Variants in OR6J1 observed in about 807,000 individuals in gnomAD.
The protein encoded by OR6J1 is olfactory receptor family 6 subfamily J member 1.
For synonymous variants in OR6J1, 109 were observed against 70.0 expected (o/e 1.56, Z -2.78); for missense variants, 304 against 166.8 (o/e 1.82, Z -4.53).
intron 1 of OR6J1, among the ~76,000 whole-genome samples, chr14:22,638,024 A>C: frequency 2.6e-5 from 2 of 76,828 alleles, no homozygotes; most frequent in South Asian, 4.4e-4. Context: ...GTCCGGGAGG[A>C]TGGTGGGGGG....
intron 1 of OR6J1, among the ~76,000 whole-genome samples, chr14:22,636,594 T>G (rs1471670551): frequency 4.9e-5 from 6 of 121,652 alleles, no homozygotes; most frequent in African/African-American, 2.6e-4. Context: ...TTTTTTTTTT[T>G]TGGTGGAGAC....
In OR6J1 at chr14:22,641,405, G is replaced by C. The variant is rs1423854772; in HGVS notation, c.-28+2693C>G. On this transcript the variant is annotated intron_variant, in intron 1 of 1. Coordinates refer to ENST00000540461, the MANE Select transcript of OR6J1 (RefSeq NM_001348233.2). ...AGAAAGAGAGAGAGAGAGAAAGGAA[G>C]GATGGAAGGAAGGAAGAGAAAGAAA... Among the ~76,000 whole-genome samples the C allele has an allele frequency of 7.6e-4, 35 of 46,318 alleles. 3 individuals are homozygous for C. The highest frequency in any genetic ancestry group is 1.1e-3 in the Non-Finnish European group (28 of 25,476). The allele number at this position is 46,318 out of a possible 152,430, so 30.4% of individuals were successfully genotyped here. A position where few individuals can be genotyped will look rare whatever the true frequency, so the allele number is the denominator to read the frequency against.
chr14:22,643,902 G>A (rs1594904848), intron 1 of OR6J1, among the ~76,000 whole-genome samples, 196 bp downstream of exon 1: 1 of 152,086 alleles, frequency 6.6e-6, no homozygotes, highest in South Asian at 2.1e-4. Context: ...ATGGTAGGAT[G>A]AGGGATCAAG....
chr14:22,636,640 T>G (rs2037588906), intron 1 of OR6J1, among the ~76,000 whole-genome samples: 1 of 113,994 alleles, frequency 8.8e-6, no homozygotes, highest in South Asian at 2.6e-4. Flanking sequence ...GGTCTCCAGC[T>G]CCTAGCCACG....
chr14:22,641,274 GAAGGAAGA>G lies in OR6J1; in HGVS notation c.-28+2816_-28+2823del, dbSNP rs1469163420. On this transcript the variant is annotated intron_variant, in intron 1 of 1. Coordinates refer to ENST00000540461, the MANE Select transcript of OR6J1 (RefSeq NM_001348233.2). Reference sequence around the variant, plus strand: ...GAAAGAAAGAAAGAAAGAAAGGAAGGAAGGAAGAAAGAGAAGAAAGAGAGACAGAGAGG... The same window carrying G: ...GAAAGAAAGAAAGAAAGAAAGGAAGGAAGAGAAGAAAGAGAGACAGAGAGG... Among the ~76,000 whole-genome samples, 2 of 86,768 alleles carry G rather than the reference GAAGGAAGA, an allele frequency of 2.3e-5. 1 individual carries two copies. Among genetic ancestry groups the G allele is most frequent in the Admixed American group, 2.3e-4 (2 of 8,838 alleles). 56.9% of individuals were successfully genotyped at this position (86,768 alleles called of 152,430 possible).
intron 1 of OR6J1, among the ~76,000 whole-genome samples, chr14:22,639,562 A>G (rs1475037549): frequency 7.7e-6 from 1 of 129,132 alleles, no homozygotes; most frequent in Non-Finnish European, 1.6e-5. Flanking sequence ...GGTGGGGAAA[A>G]GATTGAGAAA....
At position 22,633,738 on chromosome 14, in the gene OR6J1, C is replaced by A; in HGVS notation, c.*30G>T. 1.6e-6 allele frequency: 1 copy of A among 638,156 alleles called. No homozygotes were observed. Among genetic ancestry groups the A allele is most frequent in the South Asian group, 1.8e-5 (1 of 54,832 alleles). 39.5% of individuals were successfully genotyped at this position (638,156 alleles called of 1,614,324 possible). A position where few individuals can be genotyped will look rare whatever the true frequency, so the allele number is the denominator to read the frequency against. ...ACTATTCAGAATTCCTTAGCTAGCT[C>A]ACTCTTTCACTAAGGCAGCTCCTCT... On this transcript the variant is annotated 3_prime_UTR_variant, in exon 2 of 2. Transcript: ENST00000540461.
At chr14:22,637,584 T>G (rs1393574718) in intron 1 of OR6J1, among the ~76,000 whole-genome samples, 3 of 31,786 alleles carry the variant, frequency 9.4e-5, no homozygotes, top group Admixed American at 2.5e-4. Context: ...GGGAGGGAGG[T>G]GGGGGGGTCA....
chr14:22,631,324 C>T lies in OR6J1; in HGVS notation c.*2444G>A, dbSNP rs1341018810. The T allele has an allele frequency of 1.3e-5, 2 of 152,202 alleles. No homozygotes were observed. The highest frequency in any genetic ancestry group is 2.9e-5 in the Non-Finnish European group (2 of 68,036). 9.4% of individuals were successfully genotyped at this position (152,202 alleles called of 1,614,324 possible). A position where few individuals can be genotyped will look rare whatever the true frequency, so the allele number is the denominator to read the frequency against. On this transcript the variant is annotated 3_prime_UTR_variant, in exon 2 of 2. Coordinates refer to ENST00000540461, the MANE Select transcript of OR6J1 (RefSeq NM_001348233.2). ...GGGTCTATTTGACCCCTACAGTCTACAGACCATAAAAGACGGGCACGCCCA... is the reference window on the plus strand; with the variant it reads ...GGGTCTATTTGACCCCTACAGTCTATAGACCATAAAAGACGGGCACGCCCA...
At chr14:22,635,271 AAAT>A (rs1372820826) in intron 1 of OR6J1, among the ~76,000 whole-genome samples, 7 of 152,370 alleles carry the variant, frequency 4.6e-5, no homozygotes, top group African/African-American at 1.7e-4. Flanking sequence ...ATGGGAGATG[AAAT>A]AAACAAATTA....
At position 22,641,504 on chromosome 14, in the gene OR6J1, A is replaced by G. The variant is rs2037652262; in HGVS notation, c.-28+2594T>C. 3.6e-5 allele frequency among the ~76,000 whole-genome samples: 5 copies of G among 137,282 alleles called. No homozygotes were observed. In the South Asian group the frequency reaches 7.4e-4, roughly 20 times the overall value. The allele number at this position is 137,282 out of a possible 152,430, so 90.1% of individuals were successfully genotyped here. A position where few individuals can be genotyped will look rare whatever the true frequency, so the allele number is the denominator to read the frequency against. ...GGAAGGAAGGAAGGAGGGAGGGAGG[A>G]AAGAAAGGAGGGAGGGAAGAAAGAA... On this transcript the variant is annotated intron_variant, in intron 1 of 1. Coordinates refer to ENST00000540461, the MANE Select transcript of OR6J1 (RefSeq NM_001348233.2).
At chr14:22,640,313 G>A (rs796657515) in intron 1 of OR6J1, among the ~76,000 whole-genome samples, 2,707 of 69,030 alleles carry the variant, frequency 0.039, 154 homozygotes, top group African/African-American at 0.11. Context: ...GGAGGAGAGG[G>A]GAGGAGAGGA....
At chr14:22,638,841 C>A (rs1408741085) in intron 1 of OR6J1, among the ~76,000 whole-genome samples, 1 of 88,642 alleles carries the variant, frequency 1.1e-5, no homozygotes, top group Non-Finnish European at 2.4e-5. Context: ...AAGTGAGGAG[C>A]GTCTCCGCCC....
At chr14:22,642,794 T>C (rs536655054) in intron 1 of OR6J1, among the ~76,000 whole-genome samples, 1 of 152,138 alleles carries the variant, frequency 6.6e-6, no homozygotes, top group East Asian at 1.9e-4. Flanking sequence ...TAATATTTTC[T>C]TTATTTTTAT....
Position 22,633,362 on chromosome 14 carries a change from TGAA to T in OR6J1, c.*403_*405del, listed in dbSNP as rs758006669. On this transcript the variant is annotated 3_prime_UTR_variant, in exon 2 of 2. Coordinates refer to ENST00000540461, the MANE Select transcript of OR6J1 (RefSeq NM_001348233.2). ...GATATGATAGTGGATTAGAGAATAA[TGAA>T]GGTTATTTCTAAAAAGATCCTGCAG... The T allele has an allele frequency of 5.9e-6, 1 of 169,690 alleles. No homozygotes were observed. Among genetic ancestry groups the T allele is most frequent in the Non-Finnish European group, 1.3e-5 (1 of 78,938 alleles). 10.5% of individuals were successfully genotyped at this position (169,690 alleles called of 1,614,324 possible).
chr14:22,637,317 TC>T (rs1241398255), intron 1 of OR6J1, among the ~76,000 whole-genome samples: 2 of 55,926 alleles, frequency 3.6e-5, no homozygotes, highest in South Asian at 1.1e-3. Context: ...AGCTGCCCCA[TC>T]CGGGAGGTGA....
In OR6J1 at chr14:22,632,192, G is replaced by A. The variant is rs1253113500; in HGVS notation, c.*1576C>T. On this transcript the variant is annotated 3_prime_UTR_variant, in exon 2 of 2. Coordinates refer to ENST00000540461, the MANE Select transcript of OR6J1 (RefSeq NM_001348233.2). ...TTGAAAAGCTGGTTTGCACTGAGCT[G>A]AACCACAGGCCCAGAGTGGGTCCAA... The A allele has an allele frequency of 6.6e-6, 1 of 152,246 alleles. No individual in the cohort carries two copies. The highest frequency in any genetic ancestry group is 2.4e-5 in the African/African-American group (1 of 41,436). 9.4% of individuals were successfully genotyped at this position (152,246 alleles called of 1,614,324 possible).
rs151324876 is a variant in OR6J1, at chr14:22,643,544, G to A, written c.-28+554C>T. Among the ~76,000 whole-genome samples, 448 of 151,932 alleles carry A rather than the reference G, an allele frequency of 2.9e-3. 2 individuals carry two copies. The highest frequency in any genetic ancestry group is 9.4e-3 in the African/African-American group (388 of 41,420). ...ACTCCTGGGCTCAAGCGATCTTCCT[G>A]TCTTAGCATCCCAAAGTGCTGAGAT... On this transcript the variant is annotated intron_variant, in intron 1 of 1. Transcript: ENST00000540461.
chr14:22,634,737 C>G lies in OR6J1; in HGVS notation c.75G>C (p.Leu25=), dbSNP rs1177456787. The G allele has an allele frequency of 2.8e-6, 2 of 708,394 alleles. No homozygotes were observed. The highest frequency in any genetic ancestry group is 2.9e-5 in the South Asian group (2 of 67,954). 43.9% of individuals were successfully genotyped at this position (708,394 alleles called of 1,614,324 possible). Residue 25 remains leucine, a synonymous_variant, in exon 2 of 2, where the codon CTG becomes CTC. Coordinates refer to ENST00000540461, the MANE Select transcript of OR6J1 (RefSeq NM_001348233.2). ...ACGTGGGCAGCAGGAGCACCAGGAG[C>G]AGCAGCTCCACCTCCCTGCTCAGGG... ...GFSLSREVEL[L]LLVLLLPTFL... is the part of the protein sequence containing the mutation.
Sources: gnomAD v4.1 joint callset for allele counts (sites outside exome capture counted in the v4.1 genomes callset) on GRCh38, gnomAD v4.1.1 for gene constraint, MANE v1.5 for transcripts, NCBI Gene and HGNC (gene_info 2026-07-23, HGNC 2026-07-21) for gene names.